TRAP1: variants seen among roughly 807,000 people sequenced by gnomAD.
TRAP1 encodes the protein TNF receptor associated protein 1, also known as heat shock protein 75 kDa, mitochondrial.
Under a neutral mutation model 89.1 loss-of-function variants are expected in TRAP1, and 102 were observed. The observed-to-expected ratio is 1.15, with a 90% CI of 0.98 to 1.35. TRAP1 has a LOEUF of 1.35. TRAP1 is among the 40% of genes most tolerant of loss of function. The pLI, the probability that TRAP1 is intolerant of heterozygous loss-of-function variation, is 0.00. For missense variants in TRAP1, 1,256 were observed against 945.3 expected (o/e 1.33, Z -4.31); for synonymous variants, 508 against 388.0 (o/e 1.31, Z -3.64).
At chr16:3,697,221 C>T (rs767509974) in intron 1 of TRAP1, among the ~76,000 whole-genome samples, 15 of 152,154 alleles carry the variant, frequency 9.9e-5, no homozygotes, top group Non-Finnish European at 1.8e-4. Context: ...ACTTACATTT[C>T]TCTTATTATA....
chr16:3,663,369 G>A (rs2050733230), intron 14 of TRAP1, 55 bp downstream of exon 14: 2 of 1,606,896 alleles, frequency 1.2e-6, no homozygotes, highest in African/African-American at 1.3e-5. Flanking sequence ...CGGGGCAGGA[G>A]AGGCGTGCGG....
chr16:3,707,868 A>C (rs924709376), intron 1 of TRAP1, among the ~76,000 whole-genome samples: 2 of 151,344 alleles, frequency 1.3e-5, no homozygotes, highest in Admixed American at 1.3e-4. Flanking sequence ...AAAAAAAAAA[A>C]AAAAAAAGAC....
intron 4 of TRAP1, 50 bp downstream of exon 4, chr16:3,685,946 C>A (rs370391819): frequency 1.5e-5 from 24 of 1,595,858 alleles, no homozygotes; most frequent in Non-Finnish European, 2.0e-5. Context: ...CGGATCCTGT[C>A]CTTGCTGCAT....
chr16:3,717,377 G>A, intron 1 of TRAP1, 44 bp downstream of exon 1: 2 of 841,142 alleles, frequency 2.4e-6, no homozygotes, highest in Non-Finnish European at 3.2e-6. Context: ...TGCCGTCTCC[G>A]TGGCCCGGCC....
Position 3,664,397 on chromosome 16 carries a change from G to A in TRAP1, c.1446C>T (p.Ser482=), listed in dbSNP as rs1389682040. The A allele has an allele frequency of 4.3e-6, 7 of 1,612,292 alleles. No homozygotes were observed. Among genetic ancestry groups the A allele is most frequent in the Non-Finnish European group, 5.1e-6 (6 of 1,179,422 alleles). Residue 482 remains serine, a synonymous_variant, in exon 13 of 18, where the codon AGC becomes AGT. Coordinates refer to ENST00000246957, the MANE Select transcript of TRAP1 (RefSeq NM_016292.3). ...SSALPSGQLT[S]LSEYASRMRA... is the part of the protein sequence containing the mutation. Reference sequence around the variant, plus strand: ...GCATGCGGCTGGCGTATTCTGAGAGGCTGGTTAGCTGCCCGGAGGGCAGCG... The same window carrying A: ...GCATGCGGCTGGCGTATTCTGAGAGACTGGTTAGCTGCCCGGAGGGCAGCG...
At chr16:3,680,428 G>T (rs1320322785) in intron 4 of TRAP1, among the ~76,000 whole-genome samples, 2 of 152,188 alleles carry the variant, frequency 1.3e-5, no homozygotes, top group African/African-American at 4.8e-5. Flanking sequence ...CTTCTCCCTG[G>T]CTGTGGTTCT....
chr16:3,691,416 T>C (rs2051213045), intron 1 of TRAP1, among the ~76,000 whole-genome samples: 1 of 152,158 alleles, frequency 6.6e-6, no homozygotes, highest in African/African-American at 2.4e-5. Flanking sequence ...AAATGGGGTT[T>C]TGCTATGTTG....
rs768521031 is a variant in TRAP1 at position 3,717,489 on chromosome 16, G to T, written c.20C>A (p.Ala7Glu). 4 of 1,343,062 alleles carry T rather than the reference G, an allele frequency of 3.0e-6. No individual in the cohort carries two copies. Among genetic ancestry groups the T allele is most frequent in the Non-Finnish European group, 3.8e-6 (4 of 1,050,328 alleles). 83.2% of individuals were successfully genotyped at this position (1,343,062 alleles called of 1,614,324 possible). A position where few individuals can be genotyped will look rare whatever the true frequency, so the allele number is the denominator to read the frequency against. MARELR[A>E]LLLWGRRLRP... ...CAGGCGGCGGCCCCACAGCAGCAGC[G>T]CCCGCAGCTCGCGCGCCATGTCGTA... is the stretch of plus-strand genomic sequence containing the variant. Residue 7 changes from alanine to glutamate, a missense_variant, in exon 1 of 18, where the codon GCG becomes GAG. Coordinates refer to ENST00000246957, the MANE Select transcript of TRAP1 (RefSeq NM_016292.3).
In TRAP1 at chr16:3,671,712, C is replaced by A. The variant is rs749884936; in HGVS notation, c.1235+10G>T. ...CCAGCAGGGTCCTCTCCCCGCGGCC[C>A]GAGGCTCACCTGATGAGTGCGCTCT... On this transcript the variant is annotated intron_variant, in intron 11 of 17. Transcript: ENST00000246957. 2 of 1,611,968 alleles carry A rather than the reference C, an allele frequency of 1.2e-6. No individual in the cohort carries two copies. The highest frequency in any genetic ancestry group is 3.3e-5 in the Admixed American group (2 of 60,014).
intron 3 of TRAP1, 82 bp downstream of exon 3, chr16:3,688,973 G>T: frequency 1.6e-6 from 2 of 1,266,610 alleles, no homozygotes; most frequent in Non-Finnish European, 2.3e-6. Context: ...TATATTATCT[G>T]GCAATTCTCC....
At chr16:3,710,879 A>ATTTT (rs1181110685) in intron 1 of TRAP1, among the ~76,000 whole-genome samples, 9 of 125,788 alleles carry the variant, frequency 7.2e-5, no homozygotes, top group African/African-American at 2.6e-4. Flanking sequence ...ATATATATAT[A>ATTTT]TTTTTTTTTT....
chr16:3,683,205 A>G (rs879624602), intron 4 of TRAP1, among the ~76,000 whole-genome samples: 9 of 152,036 alleles, frequency 5.9e-5, no homozygotes, highest in Non-Finnish European at 1.0e-4. Flanking sequence ...AAAAACAAGG[A>G]AAGTCTGAGA....
rs55766649 is a variant in TRAP1, at chr16:3,662,962, C to G, written c.1714G>C (p.Glu572Gln). 3 of 1,608,786 alleles carry G rather than the reference C, an allele frequency of 1.9e-6. No homozygotes were observed. The highest frequency in any genetic ancestry group is 2.5e-6 in the Non-Finnish European group (3 of 1,179,632). The stretch of plus-strand genomic sequence containing the variant: ...TCCGTCTCCTTCTCTGATAGGCACT[C>G]GGCGGCTGCGGAAGAGCAGGCGACA... ...EKFEDRSPAA[E>Q]CLSEKETEEL... Residue 572 changes from glutamate (E) to glutamine (Q), a missense_variant, in exon 15 of 18, where the codon GAG becomes CAG. Transcript: ENST00000246957.
intron 11 of TRAP1, among the ~76,000 whole-genome samples, chr16:3,667,486 A>G (rs1197052522): frequency 6.6e-6 from 1 of 151,534 alleles, no homozygotes; most frequent in Non-Finnish European, 1.5e-5. Flanking sequence ...TTACCAGGGC[A>G]TGGTGGTGGG....
In TRAP1 at chr16:3,676,063, C is replaced by G. The variant is rs768620292; in HGVS notation, c.787G>C (p.Glu263Gln). The G allele has an allele frequency of 1.2e-6, 2 of 1,613,942 alleles. No individual in the cohort carries two copies. The highest frequency in any genetic ancestry group is 2.2e-5 in the South Asian group (2 of 91,018). ...CGCACCCGGGCCTCGCTGGAAAACT[C>G]CTTGCAGTCGGATTTCAGGTGGATG... ...IIIHLKSDCKEFSSEARVRDV... is the reference protein window; with the variant it reads ...IIIHLKSDCKQFSSEARVRDV... Residue 263 changes from glutamate to glutamine, a missense_variant, in exon 7 of 18, where the codon GAG (glutamate) becomes CAG (glutamine). Coordinates refer to ENST00000246957, the MANE Select transcript of TRAP1 (RefSeq NM_016292.3).
chr16:3,691,116 A>T, intron 1 of TRAP1, 131 bp from the exon 2 acceptor site: 1 of 853,814 alleles, frequency 1.2e-6, no homozygotes. Context: ...GCTGAAAGAG[A>T]AATCCACAGG....
chr16:3,690,372 T>C (rs959752727), intron 2 of TRAP1, among the ~76,000 whole-genome samples: 27 of 152,138 alleles, frequency 1.8e-4, no homozygotes, highest in African/African-American at 6.0e-4. Flanking sequence ...AAAACCTCAC[T>C]TCTCTTTTTA....
In TRAP1 at chr16:3,689,065, G is replaced by C. The variant is rs1199330194; in HGVS notation, c.320C>G (p.Ser107Ter). 1.2e-5 allele frequency: 20 copies of C among 1,611,620 alleles called. No individual in the cohort carries two copies. Among genetic ancestry groups the C allele is most frequent in the East Asian group, 2.2e-5 (1 of 44,846 alleles). ...TAGCAGGGAACGCACCTCTTTTTCT[G>C]AGTACAGGGACCGGGCAACAATGTC... Reference protein sequence around the residue: ...LLDIVARSLYSEKEVFIRELI... With the variant: ...LLDIVARSLY The change falls in exon 3 of 18, where the codon TCA (serine) becomes TGA (stop). Residue 107 changes from serine (S) to a stop codon, truncating the protein, a stop_gained. Coordinates refer to ENST00000246957, the MANE Select transcript of TRAP1 (RefSeq NM_016292.3). LOFTEE classifies it high-confidence loss of function.
At chr16:3,686,228 G>A (rs2051137013) in intron 3 of TRAP1, 92 bp from the exon 4 acceptor site, 1 of 1,424,704 alleles carries the variant, frequency 7.0e-7, no homozygotes, top group Non-Finnish European at 9.7e-7. Flanking sequence ...ACTGTTAAAA[G>A]GTAGAGGAGA....
Sources: gnomAD v4.1 joint callset for allele counts (sites outside exome capture counted in the v4.1 genomes callset) on GRCh38, gnomAD v4.1.1 for gene constraint, MANE v1.5 for transcripts, NCBI Gene and HGNC (gene_info 2026-07-23, HGNC 2026-07-21) for gene names.